The following AUTS2 variants were observed in gnomAD, a reference collection of about 807,000 sequenced individuals.
The protein encoded by AUTS2 is autism susceptibility gene 2 protein.
Under a neutral mutation model 112.4 loss-of-function variants are expected in AUTS2, and 17 were observed. That is an observed-to-expected ratio of 0.15 (90% CI 0.10 to 0.23). AUTS2 has a LOEUF of 0.23. AUTS2 is among the 10% of genes least tolerant of loss of function. The probability of loss-of-function intolerance (pLI) is 1.00; values close to 1 mark genes in which losing one functional copy is unlikely to be tolerated. For synonymous variants in AUTS2, 751 were observed against 702.7 expected (o/e 1.07, Z -1.09); for missense variants, 1,510 against 1,701.6 (o/e 0.89, Z 1.98).
rs372048632 is a variant in AUTS2 at position 70,766,035 on chromosome 7, G to A, written c.1469-79G>A. The A allele has an allele frequency of 1.1e-4, 170 of 1,557,796 alleles. 1 individual carries two copies. In the South Asian group the frequency reaches 1.2e-3, roughly 11 times the overall value. On this transcript the variant is annotated intron_variant, in intron 8 of 18. Coordinates refer to ENST00000342771, the MANE Select transcript of AUTS2 (RefSeq NM_015570.4). This position sits in a 1 kb window ranked among gnomAD's most constrained non-coding sequence, Gnocchi z 4.8. ...CCCCTGCCACTGTGTCACCAGCCCC[G>A]TACCCCTCCACAGGAAGGCAGTCCG...
chr7:69,935,940 G>C (rs1408580529), intron 2 of AUTS2, among the ~76,000 whole-genome samples: 1 of 152,174 alleles, frequency 6.6e-6, no homozygotes, highest in Non-Finnish European at 1.5e-5. Context: ...GCTAAAAAAG[G>C]CATTTAGTAT....
intron 6 of AUTS2, among the ~76,000 whole-genome samples, chr7:70,707,232 G>C (rs1440631421): frequency 6.6e-6 from 1 of 152,182 alleles, no homozygotes. Context: ...CATTTTATAG[G>C]CAGGGAAACT....
rs146455848 is a variant in AUTS2, at chr7:70,131,680, G to T, written c.625-2856G>T. Reference sequence around the variant, plus strand: ...ATTTCTGTCTTGGAAAATTATTGAAGCTACCAAATATTTGCAGCTGTATTT... The same window carrying T: ...ATTTCTGTCTTGGAAAATTATTGAATCTACCAAATATTTGCAGCTGTATTT... On this transcript the variant is annotated intron_variant, in intron 3 of 18. Coordinates refer to ENST00000342771, the MANE Select transcript of AUTS2 (RefSeq NM_015570.4). Among the ~76,000 whole-genome samples, 117 of 151,986 alleles carry T rather than the reference G, an allele frequency of 7.7e-4. 1 individual carries two copies. Among genetic ancestry groups the T allele is most frequent in the African/African-American group, 2.7e-3 (111 of 41,432 alleles).
At chr7:70,037,813 A>G (rs1407155248) in intron 2 of AUTS2, among the ~76,000 whole-genome samples, 1 of 152,166 alleles carries the variant, frequency 6.6e-6, no homozygotes, top group Non-Finnish European at 1.5e-5. Context: ...TCTTGTTGTT[A>G]TTATAGGATT....
chr7:70,724,043 C>T (rs1786859694), intron 6 of AUTS2, among the ~76,000 whole-genome samples: 1 of 152,046 alleles, frequency 6.6e-6, no homozygotes, highest in African/African-American at 2.4e-5. Flanking sequence ...GGGCACCTGC[C>T]ACCACACCTG....
At chr7:70,667,122 T>C (rs971566082) in intron 5 of AUTS2, among the ~76,000 whole-genome samples, 1 of 152,166 alleles carries the variant, frequency 6.6e-6, no homozygotes, top group Non-Finnish European at 1.5e-5. Flanking sequence ...CTCAAAGGAT[T>C]AAAAGCTCAT....
chr7:70,531,423 T>G (rs936348915), intron 5 of AUTS2, among the ~76,000 whole-genome samples: 3 of 152,214 alleles, frequency 2.0e-5, no homozygotes, highest in Admixed American at 6.5e-5. Flanking sequence ...GGGTAATTTT[T>G]ATAAAGAAAA....
intron 5 of AUTS2, among the ~76,000 whole-genome samples, chr7:70,621,840 T>C (rs953491755): frequency 2.5e-5 from 3 of 121,200 alleles, no homozygotes; most frequent in Non-Finnish European, 5.2e-5. Flanking sequence ...GTCATTCTCT[T>C]TTTTTTTTTT....
At chr7:69,925,160 C>G (rs1367462613) in intron 2 of AUTS2, among the ~76,000 whole-genome samples, 1 of 152,138 alleles carries the variant, frequency 6.6e-6, no homozygotes, top group Non-Finnish European at 1.5e-5. Context: ...CCCCTCTTCT[C>G]TCTCTGTCAT....
chr7:70,045,974 C>A (rs1180262024), intron 2 of AUTS2, among the ~76,000 whole-genome samples: 1 of 151,774 alleles, frequency 6.6e-6, no homozygotes, highest in African/African-American at 2.4e-5. Flanking sequence ...TTCTGTTGTC[C>A]AATGAAGGGA....
intron 4 of AUTS2, among the ~76,000 whole-genome samples, chr7:70,219,461 A>G (rs1423213901): frequency 1.3e-5 from 2 of 152,254 alleles, no homozygotes; most frequent in African/African-American, 4.8e-5. Context: ...TTTTGAGTGT[A>G]TAGACATCAC....
chr7:70,603,331 G>A (rs38309), intron 5 of AUTS2, among the ~76,000 whole-genome samples: 79,658 of 152,130 alleles, frequency 0.52, 21,527 homozygotes, highest in Middle Eastern at 0.59. Flanking sequence ...TCCTCCCAGT[G>A]TCAGTGTGCC....
At chr7:70,126,095 A>T (rs73444323) in intron 3 of AUTS2, among the ~76,000 whole-genome samples, 1,561 of 152,318 alleles carry the variant, frequency 0.01, 37 homozygotes, top group African/African-American at 0.035. Context: ...GTGTAGCTGT[A>T]TAATTTGACT....
intron 1 of AUTS2, among the ~76,000 whole-genome samples, chr7:69,773,729 A>C (rs1562873858): frequency 1.3e-5 from 2 of 152,128 alleles, no homozygotes; most frequent in Non-Finnish European, 2.9e-5. Flanking sequence ...CTGATCTTTC[A>C]TTCCCCTTGC....
At chr7:69,758,241 C>G (rs1443192581) in intron 1 of AUTS2, among the ~76,000 whole-genome samples, 1 of 152,176 alleles carries the variant, frequency 6.6e-6, no homozygotes, top group Non-Finnish European at 1.5e-5. Context: ...TTTAAGGATT[C>G]TGAAGCAGCA....
At chr7:69,967,837 A>G (rs1584505081) in intron 2 of AUTS2, among the ~76,000 whole-genome samples, 1 of 152,098 alleles carries the variant, frequency 6.6e-6, no homozygotes, top group African/African-American at 2.4e-5. Flanking sequence ...CCCAGGGGAA[A>G]CCTGCCACCT....
chr7:69,629,568 T>G (rs1184481345), intron 1 of AUTS2, among the ~76,000 whole-genome samples: 1 of 152,210 alleles, frequency 6.6e-6, no homozygotes, highest in Non-Finnish European at 1.5e-5. Context: ...AACTTCTCAT[T>G]AGAAGCTGCA....
intron 2 of AUTS2, among the ~76,000 whole-genome samples, chr7:69,927,213 A>G (rs1796056324): frequency 7.2e-6 from 1 of 139,624 alleles, no homozygotes; most frequent in Admixed American, 7.1e-5. Flanking sequence ...TATACATACT[A>G]TATATATCTT....
chr7:70,609,578 T>C (rs1020765705), intron 5 of AUTS2, among the ~76,000 whole-genome samples: 1 of 140,242 alleles, frequency 7.1e-6, no homozygotes, highest in African/African-American at 2.9e-5. Context: ...TTTTTTTGTT[T>C]TGTTTTTTTT....
Sources: gnomAD v4.1 joint callset for allele counts (sites outside exome capture counted in the v4.1 genomes callset) on GRCh38, gnomAD v4.1.1 for gene constraint, Gnocchi (gnomAD v3.1) non-coding constraint, MANE v1.5 for transcripts, NCBI Gene and HGNC (gene_info 2026-07-23, HGNC 2026-07-21) for gene names.